Variants in PDE5A observed in about 807,000 individuals in gnomAD.
The protein encoded by PDE5A is phosphodiesterase 5A.
In PDE5A, 67 loss-of-function variants were observed where a neutral mutation model predicts 110.2. The ratio of observed to expected loss-of-function variants is 0.61; its 90% CI spans 0.50 to 0.75. PDE5A has a LOEUF of 0.75. Among genes scored for constraint, PDE5A ranks in the 30% least tolerant of loss-of-function variants. The pLI is 0.00. For missense variants in PDE5A, 862 were observed against 1,045.1 expected, an observed-to-expected ratio of 0.82 and a Z score of 2.42; for synonymous variants, 328 against 351.2, an observed-to-expected ratio of 0.93 and a Z score of 0.74.
At chr4:119,517,838 G>A (rs923603617) in intron 14 of PDE5A, among the ~76,000 whole-genome samples, 1 of 152,004 alleles carries the variant, frequency 6.6e-6, no homozygotes, top group African/African-American at 2.4e-5. Context: ...GGCGTACTAT[G>A]TGGCTTGACT....
intron 3 of PDE5A, among the ~76,000 whole-genome samples, chr4:119,571,817 T>C (rs2110513083): frequency 6.6e-6 from 1 of 152,352 alleles, no homozygotes; most frequent in South Asian, 2.1e-4. Context: ...TTTGAAGAAC[T>C]TGACATCTCA....
At chr4:119,585,495 T>C (rs1728729401) in intron 3 of PDE5A, among the ~76,000 whole-genome samples, 1 of 152,156 alleles carries the variant, frequency 6.6e-6, no homozygotes, top group Non-Finnish European at 1.5e-5. Context: ...TTTTAGTACA[T>C]GAAAGGTGAG....
At chr4:119,534,769 A>G (rs1317969380) in intron 11 of PDE5A, among the ~76,000 whole-genome samples, 1 of 152,220 alleles carries the variant, frequency 6.6e-6, no homozygotes, top group Non-Finnish European at 1.5e-5. Flanking sequence ...GATCAGTGCC[A>G]TAACACTGAC....
rs1469115795 is a variant in PDE5A, at chr4:119,495,194, T to A, written c.*3407A>T. The stretch of plus-strand genomic sequence containing the variant: ...TGCAGTATACCCCATGTTCTCACAT[T>A]AAATTGGCAGTATCAGAAGCTAAGT... On this transcript the variant is annotated 3_prime_UTR_variant, in exon 21 of 21. Coordinates refer to ENST00000354960, the MANE Select transcript of PDE5A (RefSeq NM_001083.4). 6.6e-6 allele frequency: 1 copy of A among 152,154 alleles called. No individual in the cohort carries two copies. Among genetic ancestry groups the A allele is most frequent in the Non-Finnish European group, 1.5e-5 (1 of 68,026 alleles). The allele number at this position is 152,154 out of a possible 1,614,324, so 9.4% of individuals were successfully genotyped here.
At position 119,628,772 on chromosome 4, in the gene PDE5A, C is replaced by T. The variant is rs200359289; in HGVS notation, c.-101G>A. ...AGGACTCGGCCTCGAGACCCTCCCC[C>T]TTCGTCCTGCTCCAGTCGGGCCGGC... is the stretch of plus-strand genomic sequence containing the variant. On this transcript the variant is annotated 5_prime_UTR_variant, in exon 1 of 21. Transcript: ENST00000354960. 17 of 1,498,612 alleles carry T rather than the reference C, an allele frequency of 1.1e-5. No individual in the cohort carries two copies. The African/African-American group carries it at 1.7e-4, about 15-fold the overall frequency. The allele number at this position is 1,498,612 out of a possible 1,614,324, so 92.8% of individuals were successfully genotyped here. A position where few individuals can be genotyped will look rare whatever the true frequency, so the allele number is the denominator to read the frequency against.
At chr4:119,603,012 T>C (rs1208102561) in intron 2 of PDE5A, among the ~76,000 whole-genome samples, 2 of 152,188 alleles carry the variant, frequency 1.3e-5, no homozygotes, top group Non-Finnish European at 2.9e-5. Flanking sequence ...CCTTAAGACA[T>C]ATGAATCATG....
intron 11 of PDE5A, among the ~76,000 whole-genome samples, chr4:119,534,429 G>C (rs1726658590): frequency 6.6e-6 from 1 of 151,834 alleles, no homozygotes; most frequent in South Asian, 2.1e-4. Flanking sequence ...CTCCTTATGA[G>C]AATCTAATGC....
chr4:119,503,374 T>G (rs1362031897), intron 18 of PDE5A, among the ~76,000 whole-genome samples: 2 of 152,150 alleles, frequency 1.3e-5, no homozygotes, highest in Non-Finnish European at 2.9e-5. Context: ...AGCAGTTACT[T>G]AGAGGGAAGG....
At chr4:119,554,212 T>C (rs927081209) in intron 7 of PDE5A, among the ~76,000 whole-genome samples, 1 of 152,144 alleles carries the variant, frequency 6.6e-6, no homozygotes, top group Non-Finnish European at 1.5e-5. Context: ...TTTAAAGCTC[T>C]TCTCTCTAGT....
chr4:119,539,875 C>G (rs1726862494), intron 10 of PDE5A, among the ~76,000 whole-genome samples: 2 of 152,124 alleles, frequency 1.3e-5, no homozygotes, highest in Admixed American at 1.3e-4. Context: ...GAGTGTCATG[C>G]TGCTGCTCAG....
intron 3 of PDE5A, among the ~76,000 whole-genome samples, chr4:119,586,896 A>G (rs1728783661): frequency 6.6e-6 from 1 of 152,176 alleles, no homozygotes; most frequent in African/African-American, 2.4e-5. Flanking sequence ...AAAGCCTACC[A>G]CATTAATTTA....
At chr4:119,549,013 A>G (rs1428675438) in intron 9 of PDE5A, 2 of 152,268 alleles carry the variant, frequency 1.3e-5, no homozygotes, top group African/African-American at 4.8e-5. Context: ...CTTAAGCGAT[A>G]TAACATTAGA....
chr4:119,526,439 T>C (rs547488598), intron 11 of PDE5A, among the ~76,000 whole-genome samples: 1 of 152,234 alleles, frequency 6.6e-6, no homozygotes, highest in African/African-American at 2.4e-5. Flanking sequence ...CCTAGATGTT[T>C]TGCTGGGCCC....
chr4:119,498,783 A>G (rs200504615), intron 20 of PDE5A, 45 bp from the exon 21 acceptor site: 1 of 1,609,156 alleles, frequency 6.2e-7, no homozygotes, highest in Non-Finnish European at 8.5e-7. Context: ...AAGCCAGGAA[A>G]TAAGTCCTCT....
rs1315000391 is a variant in PDE5A at position 119,525,191 on chromosome 4, T to C, written c.1779+358A>G. On this transcript the variant is annotated intron_variant, in intron 12 of 20. Transcript: ENST00000354960. This position sits in a 1 kb window ranked among gnomAD's most constrained non-coding sequence, Gnocchi z 4.3. ...CATCTGTACGGCTTACAAGGTTCCGTATCATTTGCTTCTCACCTTCTTCCA... is the reference window on the plus strand; with the variant it reads ...CATCTGTACGGCTTACAAGGTTCCGCATCATTTGCTTCTCACCTTCTTCCA... 6.6e-6 allele frequency among the ~76,000 whole-genome samples: 1 copy of C among 152,082 alleles called. No individual in the cohort carries two copies. The highest frequency in any genetic ancestry group is 6.6e-5 in the Admixed American group (1 of 15,236).
At position 119,607,153 on chromosome 4, in the gene PDE5A, C is replaced by T. The variant is rs544807427; in HGVS notation, c.297G>A (p.Arg99=). ...ADNSAPGTPT[R]KISASEFDRP... is the part of the protein sequence containing the mutation. ...GGTCAAATTCAGAGGCAGAGATTTT[C>T]CTGGTTGGTGTTCCAGGGGCACTGT... Residue 99 remains arginine, a synonymous_variant, in exon 2 of 21, where the codon AGG becomes AGA. Coordinates refer to ENST00000354960, the MANE Select transcript of PDE5A (RefSeq NM_001083.4). 1 of 1,614,136 alleles carries T rather than the reference C, an allele frequency of 6.2e-7. No homozygotes were observed. Among genetic ancestry groups the T allele is most frequent in the African/African-American group, 1.3e-5 (1 of 75,030 alleles).
intron 8 of PDE5A, among the ~76,000 whole-genome samples, chr4:119,552,862 A>C (rs1184707956): frequency 6.6e-6 from 1 of 151,982 alleles, no homozygotes; most frequent in East Asian, 1.9e-4. Context: ...TTTCACTTTA[A>C]ACTTTCCAAG....
chr4:119,610,996 G>A (rs549044501), intron 1 of PDE5A, among the ~76,000 whole-genome samples: 1 of 152,164 alleles, frequency 6.6e-6, no homozygotes, highest in Non-Finnish European at 1.5e-5. Context: ...AATAAAACCT[G>A]AGCTCTTGTA....
chr4:119,552,845 G>A (rs576778545), intron 8 of PDE5A, among the ~76,000 whole-genome samples: 3 of 151,816 alleles, frequency 2.0e-5, no homozygotes, highest in African/African-American at 7.2e-5. Context: ...AAAAATATCG[G>A]AATTTTTTTC....
Sources: gnomAD v4.1 joint callset for allele counts (sites outside exome capture counted in the v4.1 genomes callset) on GRCh38, gnomAD v4.1.1 for gene constraint, Gnocchi (gnomAD v3.1) non-coding constraint, MANE v1.5 for transcripts, NCBI Gene and HGNC (gene_info 2026-07-23, HGNC 2026-07-21) for gene names.